The following KCNQ5 variants were observed in gnomAD, a reference collection of about 807,000 sequenced individuals.
KCNQ5 encodes the protein potassium voltage-gated channel subfamily Q member 5, also known as potassium voltage-gated channel subfamily KQT member 5.
A neutral mutation model predicts 98.2 loss-of-function variants in KCNQ5; 30 were observed. That is an observed-to-expected ratio of 0.31 (90% CI 0.23 to 0.41). KCNQ5 has a LOEUF of 0.41. Among genes scored for constraint, KCNQ5 ranks in the 10% least tolerant of loss-of-function variants. The pLI is 1.00. For synonymous variants in KCNQ5, 458 were observed against 449.4 expected (o/e 1.02, Z -0.24); for missense variants, 835 against 1,182.5 (o/e 0.71, Z 4.31).
chr6:73,085,346 G>A (rs760901257), intron 5 of KCNQ5, among the ~76,000 whole-genome samples: 1 of 152,126 alleles, frequency 6.6e-6, no homozygotes, highest in African/African-American at 2.4e-5. Flanking sequence ...GGCAAAAAAC[G>A]AGGGAAACCC....
In KCNQ5 at chr6:73,063,694, A is replaced by AGAT. The variant is rs1332835189; in HGVS notation, c.617-13627_617-13625dup. On this transcript the variant is annotated intron_variant, in intron 3 of 13. Coordinates refer to ENST00000370398, the MANE Select transcript of KCNQ5 (RefSeq NM_019842.4). ...ATAGATAGATAGATAGATGATAGAT[A>AGAT]GATAGATAGATAGATAGATAGATAG... 6.7e-3 allele frequency among the ~76,000 whole-genome samples: 283 copies of AGAT among 42,172 alleles called. 1 individual carries two copies. The East Asian group carries it at 0.069, about 10-fold the overall frequency. The allele number at this position is 42,172 out of a possible 152,430, so 27.7% of individuals were successfully genotyped here.
At chr6:72,859,201 G>A (rs1228927029) in intron 1 of KCNQ5, among the ~76,000 whole-genome samples, 1 of 151,976 alleles carries the variant, frequency 6.6e-6, no homozygotes, top group African/African-American at 2.4e-5. Context: ...TATAATATTT[G>A]AAGTTTTATT....
chr6:73,142,726 G>A (rs894843091), intron 10 of KCNQ5, among the ~76,000 whole-genome samples: 7 of 152,040 alleles, frequency 4.6e-5, no homozygotes, highest in South Asian at 2.1e-4. Context: ...GACCAGCCTG[G>A]TCAACATGGT....
At chr6:72,661,534 A>T (rs908028425) in intron 1 of KCNQ5, among the ~76,000 whole-genome samples, 1 of 152,146 alleles carries the variant, frequency 6.6e-6, no homozygotes, top group Non-Finnish European at 1.5e-5. Flanking sequence ...CCATAGGAGT[A>T]AGTTTCTTAC....
chr6:73,138,054 A>T (rs974741215), intron 10 of KCNQ5, among the ~76,000 whole-genome samples: 1 of 152,202 alleles, frequency 6.6e-6, no homozygotes, highest in African/African-American at 2.4e-5. Context: ...GAGCTAGAAG[A>T]TTAGGCAAAT....
At chr6:72,777,739 G>A (rs531005814) in intron 1 of KCNQ5, among the ~76,000 whole-genome samples, 69 of 152,006 alleles carry the variant, frequency 4.5e-4, no homozygotes, top group African/African-American at 1.3e-3. Flanking sequence ...TTGCTTCCAA[G>A]GCTTTTGTCT....
At chr6:73,158,852 T>G (rs1777495910) in intron 10 of KCNQ5, among the ~76,000 whole-genome samples, 1 of 152,250 alleles carries the variant, frequency 6.6e-6, no homozygotes, top group African/African-American at 2.4e-5. Context: ...TATTACATAC[T>G]ATTCATAATT....
At chr6:72,893,259 T>C (rs1331489725) in intron 1 of KCNQ5, among the ~76,000 whole-genome samples, 1 of 152,164 alleles carries the variant, frequency 6.6e-6, no homozygotes, top group Admixed American at 6.5e-5. Flanking sequence ...CCAGGCTGCA[T>C]TGAGATGTAT....
At chr6:72,893,312 A>AT (rs921231389) in intron 1 of KCNQ5, among the ~76,000 whole-genome samples, 3 of 151,914 alleles carry the variant, frequency 2.0e-5, no homozygotes, top group African/African-American at 7.3e-5. Context: ...AATTCTAGAT[A>AT]TTTTTTTCTT....
chr6:72,888,584 A>T (rs1257759102), intron 1 of KCNQ5, among the ~76,000 whole-genome samples: 1 of 152,168 alleles, frequency 6.6e-6, no homozygotes, highest in African/African-American at 2.4e-5. Context: ...TGCATTTGCG[A>T]TGAACCATAC....
chr6:72,710,375 G>A (rs991901445), intron 1 of KCNQ5, among the ~76,000 whole-genome samples: 3 of 152,248 alleles, frequency 2.0e-5, no homozygotes, highest in African/African-American at 7.2e-5. Context: ...AAGGCATAGA[G>A]TGGATGACTG....
chr6:73,001,781 A>C (rs1474001902), intron 1 of KCNQ5, among the ~76,000 whole-genome samples: 1 of 152,206 alleles, frequency 6.6e-6, no homozygotes, highest in African/African-American at 2.4e-5. Context: ...ACTAGTTTGC[A>C]AATTTTAGTC....
At chr6:73,063,637 T>A (rs1159670617) in intron 3 of KCNQ5, among the ~76,000 whole-genome samples, 1 of 149,462 alleles carries the variant, frequency 6.7e-6, no homozygotes, top group Non-Finnish European at 1.5e-5. Flanking sequence ...ATAATCCCAC[T>A]GAAATACAGA....
intron 1 of KCNQ5, among the ~76,000 whole-genome samples, chr6:72,683,984 CTG>C (rs1382632198): frequency 1.3e-5 from 2 of 152,146 alleles, no homozygotes; most frequent in Non-Finnish European, 2.9e-5. Flanking sequence ...AATAATGAAA[CTG>C]AGACTTAGCT....
intron 1 of KCNQ5, among the ~76,000 whole-genome samples, chr6:72,864,331 C>T (rs1430574580): frequency 6.6e-6 from 1 of 152,024 alleles, no homozygotes; most frequent in Admixed American, 6.6e-5. Context: ...GACACAAAGC[C>T]AAGGAGTTTA....
chr6:73,017,728 A>C (rs1770414986), intron 2 of KCNQ5, among the ~76,000 whole-genome samples: 1 of 152,202 alleles, frequency 6.6e-6, no homozygotes, highest in Admixed American at 6.6e-5. Context: ...AGACTGTGCA[A>C]GTGTTACAGG....
chr6:73,027,482 A>C (rs1055396184), intron 2 of KCNQ5, among the ~76,000 whole-genome samples: 4 of 152,228 alleles, frequency 2.6e-5, no homozygotes, highest in African/African-American at 9.6e-5. Flanking sequence ...GGGAGGAGGC[A>C]TATCTCCTAT....
chr6:72,759,544 T>C (rs920276339), intron 1 of KCNQ5, among the ~76,000 whole-genome samples: 4 of 152,122 alleles, frequency 2.6e-5, no homozygotes, highest in African/African-American at 9.7e-5. Flanking sequence ...CACTCAGGTT[T>C]TGCCTGTATG....
chr6:73,146,447 A>C (rs571407203), intron 10 of KCNQ5, among the ~76,000 whole-genome samples: 1 of 152,188 alleles, frequency 6.6e-6, no homozygotes, highest in South Asian at 2.1e-4. Context: ...CAACATGGCA[A>C]AACCCCATCT....
Sources: gnomAD v4.1 joint callset for allele counts (sites outside exome capture counted in the v4.1 genomes callset) on GRCh38, gnomAD v4.1.1 for gene constraint, MANE v1.5 for transcripts, NCBI Gene and HGNC (gene_info 2026-07-23, HGNC 2026-07-21) for gene names.